The following FNDC3B variants were observed in gnomAD, a reference collection of about 807,000 sequenced individuals.
FNDC3B encodes fibronectin type III domain containing 3B, also known as fibronectin type III domain-containing protein 3B.
FNDC3B carries 12 observed loss-of-function variants against 151.5 expected under a neutral mutation model. That is an observed-to-expected ratio of 0.08 (90% CI 0.05 to 0.13). The LOEUF (loss-of-function observed/expected upper bound fraction) is 0.13. Ranked by LOEUF, FNDC3B falls within the 10% of genes least tolerant of loss-of-function variation. The probability of loss-of-function intolerance (pLI) is 1.00; values close to 1 mark genes in which losing one functional copy is unlikely to be tolerated. For missense variants in FNDC3B, 1,214 were observed against 1,505.3 expected (o/e 0.81, Z 3.20); for synonymous variants, 528 against 549.0 (o/e 0.96, Z 0.54).
At chr3:172,340,354 C>A (rs552728628) in intron 16 of FNDC3B, among the ~76,000 whole-genome samples, 2 of 150,702 alleles carry the variant, frequency 1.3e-5, no homozygotes, top group Non-Finnish European at 2.9e-5. Context: ...GGCGCAATCT[C>A]GGCTCACTGC....
chr3:172,093,462 G>A (rs1486596158), intron 1 of FNDC3B, among the ~76,000 whole-genome samples: 2 of 151,776 alleles, frequency 1.3e-5, no homozygotes, highest in African/African-American at 4.8e-5. Context: ...GTTTCATCGT[G>A]TTAGCCAGGA....
intron 3 of FNDC3B, among the ~76,000 whole-genome samples, chr3:172,218,319 C>T (rs1348500947): frequency 6.6e-6 from 1 of 151,818 alleles, no homozygotes; most frequent in African/African-American, 2.4e-5. Context: ...AAGCAGCCAC[C>T]CTTACCTTGT....
intron 1 of FNDC3B, among the ~76,000 whole-genome samples, chr3:172,065,947 G>A (rs1016748526): frequency 3.9e-5 from 6 of 152,052 alleles, no homozygotes; most frequent in Non-Finnish European, 8.8e-5. Flanking sequence ...ATGATGTAGA[G>A]GTATGATTAT....
At chr3:172,127,043 A>G in intron 2 of FNDC3B, 1 of 456,702 alleles carries the variant, frequency 2.2e-6, no homozygotes, top group Non-Finnish European at 4.4e-6. Flanking sequence ...TACCAAAGAG[A>G]AAATCTGGTC....
intron 11 of FNDC3B, chr3:172,321,853 C>T (rs1732103901): frequency 6.2e-6 from 1 of 160,526 alleles, no homozygotes; most frequent in South Asian, 1.9e-4. Context: ...CTCGGCCTCC[C>T]AAAGTGCCGG....
chr3:172,356,893 C>T (rs1031325184), intron 22 of FNDC3B, among the ~76,000 whole-genome samples: 3 of 152,108 alleles, frequency 2.0e-5, no homozygotes, highest in Non-Finnish European at 2.9e-5. Context: ...TCTCAGTCTC[C>T]CTCACACCCA....
At chr3:172,099,944 C>T (rs977531562) in intron 1 of FNDC3B, among the ~76,000 whole-genome samples, 3 of 152,070 alleles carry the variant, frequency 2.0e-5, no homozygotes, top group Non-Finnish European at 4.4e-5. Flanking sequence ...ACTCCTAAGA[C>T]CCTCTTGGGG....
intron 4 of FNDC3B, among the ~76,000 whole-genome samples, chr3:172,238,014 T>C (rs1490940461): frequency 2.6e-5 from 4 of 152,200 alleles, no homozygotes; most frequent in African/African-American, 7.2e-5. Context: ...AGTTTGCAAA[T>C]ATCAAATATT....
chr3:172,228,412 T>C (rs920979837), intron 4 of FNDC3B, among the ~76,000 whole-genome samples: 1 of 152,194 alleles, frequency 6.6e-6, no homozygotes, highest in Non-Finnish European at 1.5e-5. Flanking sequence ...ATGCTAAAGG[T>C]CCATTTAAGA....
In FNDC3B at chr3:172,288,013, G is replaced by A. The variant is rs371992310; in HGVS notation, c.849+2029G>A. ...CTGGCCAGGCCGTTCTGTACCCATCGCAGAGAATTGGCTTCTCAGAGCCTA... is the reference window on the plus strand; with the variant it reads ...CTGGCCAGGCCGTTCTGTACCCATCACAGAGAATTGGCTTCTCAGAGCCTA... On this transcript the variant is annotated intron_variant, in intron 7 of 25. Transcript: ENST00000415807. Among the ~76,000 whole-genome samples the A allele has an allele frequency of 1.6e-3, 238 of 152,308 alleles. 1 individual carries two copies. Among genetic ancestry groups the A allele is most frequent in the Middle Eastern group, 6.8e-3 (2 of 294 alleles).
chr3:172,173,348 G>T (rs972355851), intron 3 of FNDC3B, among the ~76,000 whole-genome samples: 1 of 152,000 alleles, frequency 6.6e-6, no homozygotes, highest in African/African-American at 2.4e-5. Flanking sequence ...AAAACCAAGG[G>T]TTACCAAACA....
At chr3:172,353,153 A>G in intron 22 of FNDC3B, 70 bp downstream of exon 22, 1 of 1,433,334 alleles carries the variant, frequency 7.0e-7, no homozygotes, top group Non-Finnish European at 9.5e-7. Flanking sequence ...CCTCTCGGGG[A>G]AAATGACCAA....
intron 3 of FNDC3B, among the ~76,000 whole-genome samples, chr3:172,191,189 C>G (rs1388944740): frequency 6.6e-6 from 1 of 152,130 alleles, no homozygotes; most frequent in Non-Finnish European, 1.5e-5. Context: ...ATGAATGGAG[C>G]CTGGGTTCTT....
intron 3 of FNDC3B, among the ~76,000 whole-genome samples, chr3:172,154,027 C>T (rs1722361664): frequency 6.6e-6 from 1 of 152,174 alleles, no homozygotes; most frequent in African/African-American, 2.4e-5. Flanking sequence ...CCCTTCAGTG[C>T]TGTCAGCTTC....
At chr3:172,051,948 A>G (rs557829420) in intron 1 of FNDC3B, among the ~76,000 whole-genome samples, 5 of 152,338 alleles carry the variant, frequency 3.3e-5, no homozygotes, top group African/African-American at 4.8e-5. Context: ...TGGGCCCTCA[A>G]TTATGTACAT....
intron 21 of FNDC3B, among the ~76,000 whole-genome samples, chr3:172,351,896 C>G (rs1733875808): frequency 6.6e-6 from 1 of 152,080 alleles, no homozygotes; most frequent in African/African-American, 2.4e-5. Flanking sequence ...GTTTGAGATG[C>G]CTGTTGGACA....
At chr3:172,316,005 T>C (rs1381121388) in intron 11 of FNDC3B, among the ~76,000 whole-genome samples, 2 of 125,056 alleles carry the variant, frequency 1.6e-5, no homozygotes, top group East Asian at 2.0e-4. Flanking sequence ...TTCTTCTTTT[T>C]TTTTTTTTTT....
At chr3:172,310,769 AACTC>A (rs1731432547) in intron 10 of FNDC3B, 55 bp from the exon 11 acceptor site, 1 of 1,222,112 alleles carries the variant, frequency 8.2e-7, no homozygotes, top group Admixed American at 1.7e-5. Context: ...CCAGGTGGGT[AACTC>A]ATAAGTTTTG....
At chr3:172,266,679 A>C (rs1347255405) in intron 6 of FNDC3B, among the ~76,000 whole-genome samples, 2 of 151,622 alleles carry the variant, frequency 1.3e-5, no homozygotes, top group Admixed American at 6.6e-5. Context: ...TAGCCACATC[A>C]CTCCAGCTTC....
Sources: gnomAD v4.1 joint callset for allele counts (sites outside exome capture counted in the v4.1 genomes callset) on GRCh38, gnomAD v4.1.1 for gene constraint, MANE v1.5 for transcripts, NCBI Gene and HGNC (gene_info 2026-07-23, HGNC 2026-07-21) for gene names.